Variants in VPS13B observed in about 807,000 individuals in gnomAD.
VPS13B encodes intermembrane lipid transfer protein VPS13B.
Under a neutral mutation model 426.4 loss-of-function variants are expected in VPS13B, and 285 were observed. The ratio of observed to expected loss-of-function variants is 0.67; its 90% CI spans 0.61 to 0.74. VPS13B has a LOEUF of 0.74. Ranked by LOEUF, VPS13B falls within the 30% of genes least tolerant of loss-of-function variation. VPS13B has a pLI of 0.00. For synonymous variants in VPS13B, 1,676 were observed against 1,676.4 expected (o/e 1.00, Z 0.01); for missense variants, 4,537 against 4,782.6 (o/e 0.95, Z 1.51).
chr8:99,091,014 A>T (rs1024776376), intron 3 of VPS13B, among the ~76,000 whole-genome samples: 3 of 152,216 alleles, frequency 2.0e-5, no homozygotes, highest in Non-Finnish European at 4.4e-5. Flanking sequence ...AAGGAATGTC[A>T]TAGGTAGCAA....
chr8:99,824,022 A>C (rs1814526934), intron 51 of VPS13B, 44 bp downstream of exon 51: 1 of 1,600,040 alleles, frequency 6.2e-7, no homozygotes, highest in African/African-American at 1.3e-5. Flanking sequence ...TTTGATAAAG[A>C]AACAATAAAT....
chr8:99,147,820 T>C (rs1810821923), intron 13 of VPS13B, 21 bp from the exon 14 acceptor site: 4 of 1,399,854 alleles, frequency 2.9e-6, no homozygotes, highest in Non-Finnish European at 3.8e-6. Flanking sequence ...CTTTATTAAT[T>C]TTTTATCATT....
intron 35 of VPS13B, among the ~76,000 whole-genome samples, chr8:99,667,455 A>T (rs1236114218): frequency 1.3e-5 from 2 of 152,220 alleles, no homozygotes; most frequent in African/African-American, 4.8e-5. Context: ...ATAATATCCA[A>T]TGAATGATTT....
chr8:99,142,745 TTGTTA>T (rs1191129962), intron 12 of VPS13B, among the ~76,000 whole-genome samples: 1 of 152,234 alleles, frequency 6.6e-6, no homozygotes, highest in Non-Finnish European at 1.5e-5. Context: ...TTTATATTGC[TTGTTA>T]TAATATTAAA....
intron 39 of VPS13B, among the ~76,000 whole-genome samples, chr8:99,741,437 T>C (rs1427152308): frequency 6.6e-6 from 1 of 152,128 alleles, no homozygotes; most frequent in Non-Finnish European, 1.5e-5. Context: ...TTAACAAGGA[T>C]ATCCAGGAAT....
chr8:99,467,586 T>C lies in VPS13B; in HGVS notation c.3618T>C (p.Cys1206=), dbSNP rs386834081. 6.2e-7 allele frequency: 1 copy of C among 1,613,828 alleles called. No individual in the cohort carries two copies. Residue 1206 remains cysteine (C), a synonymous_variant, in exon 24 of 62, where the codon TGT becomes TGC. Coordinates refer to ENST00000357162, the MANE Select transcript of VPS13B (RefSeq NM_152564.5). ...GPDTRHSFVV[C]LHVDLESLEI... ...ATACACGACATTCATTTGTTGTCTG[T>C]CTCCATGTTGACCTAGAGTCACTAG...
chr8:99,111,316 CTTTAT>C (rs1368757725), intron 6 of VPS13B, 37 bp downstream of exon 6: 24 of 1,544,294 alleles, frequency 1.6e-5, no homozygotes, highest in Non-Finnish European at 1.9e-5. Flanking sequence ...AGTTGCATGT[CTTTAT>C]TTTGTTTATT....
chr8:99,550,775 G>T (rs951829490), intron 30 of VPS13B, among the ~76,000 whole-genome samples: 1 of 151,850 alleles, frequency 6.6e-6, no homozygotes, highest in Admixed American at 6.6e-5. Context: ...CTTTTATTAT[G>T]ATTTTTTTGA....
intron 40 of VPS13B, among the ~76,000 whole-genome samples, chr8:99,775,872 T>C (rs976004416): frequency 6.6e-6 from 1 of 151,972 alleles, no homozygotes; most frequent in Non-Finnish European, 1.5e-5. Context: ...TGCTCCAGCC[T>C]GGCCTGGACA....
chr8:99,127,250 C>T (rs1848225147), intron 8 of VPS13B, among the ~76,000 whole-genome samples: 2 of 151,932 alleles, frequency 1.3e-5, no homozygotes. Flanking sequence ...TTTCTATCTA[C>T]AAACTCCCAA....
At chr8:99,852,673 A>T (rs1816350888) in intron 55 of VPS13B, among the ~76,000 whole-genome samples, 1 of 152,186 alleles carries the variant, frequency 6.6e-6, no homozygotes, top group Non-Finnish European at 1.5e-5. Flanking sequence ...TGGAGGCACA[A>T]AAGGCTGCTT....
intron 36 of VPS13B, among the ~76,000 whole-genome samples, chr8:99,707,381 A>G (rs1259938887): frequency 6.6e-6 from 1 of 152,292 alleles, no homozygotes; most frequent in South Asian, 2.1e-4. Flanking sequence ...TTAAGTGCTC[A>G]GTAAATATTG....
chr8:99,519,708 A>T (rs181625749), intron 29 of VPS13B, among the ~76,000 whole-genome samples: 1 of 151,300 alleles, frequency 6.6e-6, no homozygotes, highest in East Asian at 2.0e-4. Flanking sequence ...AAGACAAAAA[A>T]CCAAACACCA....
Position 99,115,762 on chromosome 8 carries a change from T to G in VPS13B, c.825T>G (p.Ile275Met), listed in dbSNP as rs769413380. Reference sequence around the variant, plus strand: ...CAGATCAACAACTGCCTATGTTTATTCGTATAATGCAACTTGGAATTGCTC... The same window carrying G: ...CAGATCAACAACTGCCTATGTTTATGCGTATAATGCAACTTGGAATTGCTC... The part of the protein sequence containing the change: ...SITDQQLPMF[I>M]RIMQLGIALY... Residue 275 changes from isoleucine (I) to methionine (M), a missense_variant, in exon 7 of 62, where the codon ATT (isoleucine) becomes ATG (methionine). Ile to Met is a conservative substitution (Grantham distance 10, BLOSUM62 1). This residue lies in a region of VPS13B where 4,311 missense variants were observed against 4,474.3 expected (regional missense o/e 0.96). Transcript: ENST00000357162. The G allele has an allele frequency of 1.3e-5, 21 of 1,613,482 alleles. No homozygotes were observed. The South Asian group carries it at 2.2e-4, about 17-fold the overall frequency.
chr8:99,732,075 C>T (rs1301702704), intron 39 of VPS13B, among the ~76,000 whole-genome samples: 3 of 152,144 alleles, frequency 2.0e-5, no homozygotes, highest in Non-Finnish European at 4.4e-5. Context: ...AAGAGTCTCT[C>T]GTGAAGAATC....
intron 34 of VPS13B, among the ~76,000 whole-genome samples, chr8:99,658,709 TATAAA>T (rs1328618211): frequency 2.6e-5 from 4 of 152,344 alleles, no homozygotes; most frequent in Admixed American, 2.6e-4. Flanking sequence ...AGTTATGTAT[TATAAA>T]ATACTCTCCA....
At chr8:99,322,848 A>C (rs920946152) in intron 19 of VPS13B, among the ~76,000 whole-genome samples, 2 of 152,260 alleles carry the variant, frequency 1.3e-5, no homozygotes, top group Non-Finnish European at 2.9e-5. Flanking sequence ...ATAGTTCTTA[A>C]ACACGATTGT....
chr8:99,544,960 C>G (rs1469240711), intron 30 of VPS13B, among the ~76,000 whole-genome samples: 1 of 152,128 alleles, frequency 6.6e-6, no homozygotes, highest in East Asian at 1.9e-4. Context: ...TCAGGGATGC[C>G]TAAGATCACA....
intron 34 of VPS13B, 34 bp from the exon 35 acceptor site, chr8:99,661,320 A>T: frequency 6.2e-7 from 1 of 1,612,706 alleles, no homozygotes; most frequent in Non-Finnish European, 8.5e-7. Context: ...TTGTGATGTA[A>T]CTGATGTTTT....
Sources: allele counts gnomAD v4.1 joint callset (sites outside exome capture counted in the v4.1 genomes callset), GRCh38; gene constraint gnomAD v4.1.1; regional missense constraint gnomAD v4.1.1; transcripts MANE v1.5; gene names NCBI Gene and HGNC (gene_info 2026-07-23, HGNC 2026-07-21).